Variants in TNNI3K observed in about 807,000 individuals in gnomAD.
TNNI3K encodes TNNI3 interacting kinase.
Under a neutral mutation model 114.5 loss-of-function variants are expected in TNNI3K, and 140 were observed. The observed-to-expected ratio is 1.22, with a 90% confidence interval of 1.07 to 1.41. The LOEUF (loss-of-function observed/expected upper bound fraction) is 1.41, where lower values mean the gene tolerates loss of function less well. Ranked by LOEUF, TNNI3K falls within the 40% of genes most tolerant of loss-of-function variation. TNNI3K has a pLI of 0.00. For missense variants in TNNI3K, 1,125 were observed against 1,007.6 expected (o/e 1.12, Z -1.58); for synonymous variants, 347 against 347.5 (o/e 1.00, Z 0.02).
chr1:74,374,273 C>A (rs192058539), intron 17 of TNNI3K: 1 of 151,936 alleles, frequency 6.6e-6, no homozygotes, highest in Admixed American at 6.6e-5. Context: ...TAGTTATTTT[C>A]AATGTAAATG....
intron 4 of TNNI3K, among the ~76,000 whole-genome samples, chr1:74,256,886 G>A (rs531261734): frequency 7.9e-5 from 12 of 151,828 alleles, no homozygotes; most frequent in African/African-American, 1.9e-4. Context: ...TATGCTTTTC[G>A]GAAGTTTGAT....
intron 21 of TNNI3K, among the ~76,000 whole-genome samples, chr1:74,466,562 TGAGATGAA>T (rs1327415900): frequency 1.3e-5 from 2 of 152,158 alleles, no homozygotes; most frequent in African/African-American, 4.8e-5. Flanking sequence ...GTTCTGCTGA[TGAGATGAA>T]GAGGGGAAGA....
chr1:74,367,854 A>G, intron 12 of TNNI3K, 54 bp from the exon 13 acceptor site: 1 of 1,501,670 alleles, frequency 6.7e-7, no homozygotes, highest in Non-Finnish European at 9.0e-7. Context: ...TTGAACTTTT[A>G]TGTAGAAAAA....
intron 5 of TNNI3K, among the ~76,000 whole-genome samples, chr1:74,298,518 A>T (rs559001803): frequency 1.2e-4 from 19 of 152,290 alleles, no homozygotes; most frequent in African/African-American, 4.1e-4. Context: ...TGGTCACTCA[A>T]ATTTGAGAGT....
At chr1:74,403,671 A>G (rs913278501) in intron 17 of TNNI3K, among the ~76,000 whole-genome samples, 5 of 152,180 alleles carry the variant, frequency 3.3e-5, no homozygotes, top group Non-Finnish European at 5.9e-5. Context: ...TAAGCTAAAT[A>G]TTTGTATTTG....
chr1:74,352,481 A>G (rs376867693), intron 9 of TNNI3K, among the ~76,000 whole-genome samples: 2 of 151,900 alleles, frequency 1.3e-5, no homozygotes, highest in South Asian at 2.1e-4. Context: ...GAGAACCACT[A>G]CTCTCTTCAA....
intron 22 of TNNI3K, 70 bp from the exon 23 acceptor site, chr1:74,492,027 C>T (rs1024644900): frequency 7.2e-6 from 10 of 1,379,996 alleles, no homozygotes; most frequent in South Asian, 2.3e-5. Flanking sequence ...AAGTTAAATC[C>T]ATATTTTATG....
chr1:74,536,134 G>C (rs1275849697), intron 23 of TNNI3K, among the ~76,000 whole-genome samples: 2 of 152,096 alleles, frequency 1.3e-5, no homozygotes, highest in East Asian at 3.9e-4. Context: ...TCTTACTCCT[G>C]CTTTGGGGAG....
At chr1:74,351,782 G>T (rs902743947) in intron 9 of TNNI3K, among the ~76,000 whole-genome samples, 1 of 152,002 alleles carries the variant, frequency 6.6e-6, no homozygotes, top group East Asian at 1.9e-4. Flanking sequence ...TTGTGCATTC[G>T]TCACGTAGTT....
intron 5 of TNNI3K, among the ~76,000 whole-genome samples, chr1:74,277,165 A>G (rs1309530498): frequency 6.6e-6 from 1 of 152,082 alleles, no homozygotes; most frequent in Non-Finnish European, 1.5e-5. Context: ...ATTCACATAC[A>G]TTTGTCATTT....
chr1:74,490,591 GAC>G (rs1392654594), intron 22 of TNNI3K, among the ~76,000 whole-genome samples: 1 of 152,174 alleles, frequency 6.6e-6, no homozygotes, highest in Non-Finnish European at 1.5e-5. Flanking sequence ...GCTATATGCT[GAC>G]AGAGTTTGCT....
intron 5 of TNNI3K, among the ~76,000 whole-genome samples, chr1:74,309,467 A>G (rs1325090911): frequency 6.6e-6 from 1 of 151,884 alleles, no homozygotes; most frequent in Non-Finnish European, 1.5e-5. Flanking sequence ...GAAAACTAGT[A>G]TCACCTTGGA....
At chr1:74,307,958 T>C (rs1658752782) in intron 5 of TNNI3K, among the ~76,000 whole-genome samples, 1 of 151,852 alleles carries the variant, frequency 6.6e-6, no homozygotes, top group Non-Finnish European at 1.5e-5. Flanking sequence ...CAAGACTCCA[T>C]GTAAAAATAT....
chr1:74,339,595 A>G (rs1477264903), intron 7 of TNNI3K, among the ~76,000 whole-genome samples: 1 of 152,118 alleles, frequency 6.6e-6, no homozygotes, highest in African/African-American at 2.4e-5. Context: ...GAATGTCACA[A>G]ATGAAAATAA....
intron 11 of TNNI3K, among the ~76,000 whole-genome samples, chr1:74,365,962 T>C (rs537585619): frequency 6.6e-6 from 1 of 152,178 alleles, no homozygotes; most frequent in South Asian, 2.1e-4. Context: ...TTTTTTTTTT[T>C]TCCTCGAAGA....
At chr1:74,420,098 A>T (rs1385362628) in intron 17 of TNNI3K, among the ~76,000 whole-genome samples, 1 of 152,054 alleles carries the variant, frequency 6.6e-6, no homozygotes, top group Non-Finnish European at 1.5e-5. Flanking sequence ...TAGTATATAG[A>T]TATGAAATGA....
At chr1:74,263,252 T>A (rs1172894384) in intron 4 of TNNI3K, among the ~76,000 whole-genome samples, 2 of 152,040 alleles carry the variant, frequency 1.3e-5, no homozygotes, top group Non-Finnish European at 2.9e-5. Context: ...ATTTAAATGC[T>A]GGCCATTAAT....
intron 24 of TNNI3K, among the ~76,000 whole-genome samples, chr1:74,543,048 T>G (rs1472440231): frequency 6.8e-6 from 1 of 147,682 alleles, no homozygotes; most frequent in East Asian, 2.0e-4. Context: ...CCTTTTCCTT[T>G]TCTTTTTCTT....
intron 4 of TNNI3K, among the ~76,000 whole-genome samples, chr1:74,257,643 C>T (rs1360658566): frequency 7.3e-6 from 1 of 136,940 alleles, no homozygotes; most frequent in African/African-American, 2.6e-5. Flanking sequence ...TCAGTTTGAA[C>T]TTAGCCTCTT....
Sources: allele counts gnomAD v4.1 joint callset (sites outside exome capture counted in the v4.1 genomes callset), GRCh38; gene constraint gnomAD v4.1.1; transcripts MANE v1.5; gene names NCBI Gene and HGNC (gene_info 2026-07-23, HGNC 2026-07-21).